The following PDE1C variants were observed in gnomAD, a reference collection of about 807,000 sequenced individuals.
PDE1C encodes the protein dual specificity calcium/calmodulin-dependent 3',5'-cyclic nucleotide phosphodiesterase 1C.
Under a neutral mutation model 93.1 loss-of-function variants are expected in PDE1C, and 62 were observed. The observed-to-expected ratio is 0.67, with a 90% CI of 0.54 to 0.82. The LOEUF is 0.82. Ranked by LOEUF, PDE1C falls within the 40% of genes least tolerant of loss-of-function variation. The pLI is 0.00. For synonymous variants in PDE1C, 325 were observed against 310.1 expected (o/e 1.05, Z -0.50); for missense variants, 742 against 884.6 (o/e 0.84, Z 2.04).
chr7:32,415,324 A>T (rs748537064), intron 1 of PDE1C, among the ~76,000 whole-genome samples: 11 of 152,008 alleles, frequency 7.2e-5, no homozygotes, highest in Non-Finnish European at 1.6e-4. Flanking sequence ...GGTGGCATGC[A>T]CCTGTAGTCC....
chr7:32,179,375 T>C (rs10263404), intron 2 of PDE1C, among the ~76,000 whole-genome samples: 106,648 of 151,396 alleles, frequency 0.7, 37,658 homozygotes, highest in South Asian at 0.89. Context: ...TTTCTCCTGC[T>C]TCAGCCTCCT....
At chr7:32,186,656 T>C (rs1362914377) in intron 2 of PDE1C, among the ~76,000 whole-genome samples, 1 of 152,166 alleles carries the variant, frequency 6.6e-6, no homozygotes, top group African/African-American at 2.4e-5. Context: ...ATGTAATTAA[T>C]TAATGTAATA....
At chr7:32,417,052 T>C (rs1192602875) in intron 1 of PDE1C, among the ~76,000 whole-genome samples, 1 of 152,126 alleles carries the variant, frequency 6.6e-6, no homozygotes, top group Non-Finnish European at 1.5e-5. Flanking sequence ...ACAATGCTTT[T>C]AAATGCTGCC....
chr7:31,797,265 C>G (rs1469558594), intron 16 of PDE1C, among the ~76,000 whole-genome samples: 5 of 151,756 alleles, frequency 3.3e-5, no homozygotes, highest in Admixed American at 6.6e-5. Context: ...ATAACCTACG[C>G]AGATGCTGGA....
intron 2 of PDE1C, among the ~76,000 whole-genome samples, chr7:32,024,717 C>T (rs563233868): frequency 6.6e-6 from 1 of 152,188 alleles, no homozygotes; most frequent in South Asian, 2.1e-4. Flanking sequence ...GTTCTGTGAG[C>T]TCTCGGAAGC....
chr7:31,988,854 G>A (rs1362505541), intron 2 of PDE1C, among the ~76,000 whole-genome samples: 2 of 152,070 alleles, frequency 1.3e-5, no homozygotes, highest in African/African-American at 4.8e-5. Flanking sequence ...AATTAGCTGG[G>A]CGTAGTGGCA....
intron 3 of PDE1C, among the ~76,000 whole-genome samples, chr7:32,157,969 T>G (rs959472165): frequency 1.3e-5 from 2 of 152,140 alleles, no homozygotes; most frequent in Admixed American, 6.6e-5. Flanking sequence ...CCAGATTGAG[T>G]GCTATCCGGG....
the PDE1C span, among the ~76,000 whole-genome samples, chr7:31,683,445 TAATA>T: frequency 6.6e-6 from 1 of 151,994 alleles, no homozygotes; most frequent in African/African-American, 2.4e-5. Context: ...AGTGAAATGA[TAATA>T]AATGACATCA....
intron 2 of PDE1C, among the ~76,000 whole-genome samples, chr7:31,907,067 T>TGG (rs974985081): frequency 2.5e-4 from 19 of 75,510 alleles, no homozygotes; most frequent in South Asian, 6.0e-4. Flanking sequence ...TCTTGATATG[T>TGG]GGGGTGTGTG....
At chr7:32,110,273 A>C (rs184326605) in intron 3 of PDE1C, among the ~76,000 whole-genome samples, 7 of 152,250 alleles carry the variant, frequency 4.6e-5, no homozygotes, top group Admixed American at 3.9e-4. Context: ...GATTGTACCC[A>C]TCCTCTCTCC....
At chr7:31,766,342 C>T (rs1795145929) in intron 17 of PDE1C, among the ~76,000 whole-genome samples, 1 of 151,056 alleles carries the variant, frequency 6.6e-6, no homozygotes, top group Admixed American at 6.6e-5. Context: ...CGAGATGGCG[C>T]CACTGCACTC....
chr7:32,147,322 A>AAGAAAG (rs1563352986), intron 3 of PDE1C, among the ~76,000 whole-genome samples: 13 of 144,128 alleles, frequency 9.0e-5, no homozygotes, highest in African/African-American at 3.7e-4. Context: ...GAAAGAAAGA[A>AAGAAAG]AGAAAGAAAG....
rs1583918780 is a variant in PDE1C at position 31,751,423 on chromosome 7, T to C, written c.*1961A>G. ...GCACAGCCAAGAAAACACAGCCTCA[T>C]TAAATTCTCAATACCTAAGATGGAA... is the stretch of plus-strand genomic sequence containing the variant. On this transcript the variant is annotated 3_prime_UTR_variant, in exon 18 of 18. Coordinates refer to ENST00000396191, the MANE Select transcript of PDE1C (RefSeq NM_001191057.4). 1 of 152,184 alleles carries C rather than the reference T, an allele frequency of 6.6e-6. No homozygotes were observed. Among genetic ancestry groups the C allele is most frequent in the East Asian group, 1.9e-4 (1 of 5,186 alleles). The allele number at this position is 152,184 out of a possible 1,614,324, so 9.4% of individuals were successfully genotyped here. A position where few individuals can be genotyped will look rare whatever the true frequency, so the allele number is the denominator to read the frequency against.
Position 31,837,972 on chromosome 7 carries a change from CT to C in PDE1C, c.981-2del. On this transcript the variant is annotated splice_acceptor_variant, in intron 9 of 17. Transcript: ENST00000396191. LOFTEE classifies it high-confidence loss of function. Reference sequence around the variant, plus strand: ...TTCAATTACCAAGGTTCGAAACTCCCTTTTAGAGACAACCATGGAGAAAAAA... The same window carrying C: ...TTCAATTACCAAGGTTCGAAACTCCCTTTAGAGACAACCATGGAGAAAAAA... 1 of 1,592,500 alleles carries C rather than the reference CT, an allele frequency of 6.3e-7. No homozygotes were observed. Among genetic ancestry groups the C allele is most frequent in the Non-Finnish European group, 8.6e-7 (1 of 1,160,786 alleles).
chr7:31,656,716 T>C, the PDE1C span, among the ~76,000 whole-genome samples: 1 of 152,292 alleles, frequency 6.6e-6, no homozygotes, highest in East Asian at 1.9e-4. Context: ...GTGGACGGTT[T>C]TGACAGTCAG....
rs1342324523 is a variant in PDE1C at position 32,054,306 on chromosome 7, C to G, written c.102-2726G>C. Among the ~76,000 whole-genome samples the G allele has an allele frequency of 2.6e-5, 4 of 152,176 alleles. No homozygotes were observed. In the East Asian group the frequency reaches 5.8e-4, roughly 22 times the overall value. On this transcript the variant is annotated intron_variant, in intron 1 of 17. Coordinates refer to ENST00000396191, the MANE Select transcript of PDE1C (RefSeq NM_001191057.4). ...ATAGACCTGGCTCAAAACCTAACTT[C>G]ACCCACACTAGCTATGAGACCTCAG...
chr7:32,396,699 A>C (rs1391832117), intron 1 of PDE1C, among the ~76,000 whole-genome samples: 3 of 152,220 alleles, frequency 2.0e-5, no homozygotes, highest in Non-Finnish European at 2.9e-5. Context: ...AATTCTTTCA[A>C]CTTTGTGTAT....
At chr7:31,847,139 T>G (rs2128793078) in intron 9 of PDE1C, among the ~76,000 whole-genome samples, 1 of 152,302 alleles carries the variant, frequency 6.6e-6, no homozygotes, top group African/African-American at 2.4e-5. Flanking sequence ...GATGATTTAT[T>G]GGCTTGCTAT....
chr7:32,035,790 G>A (rs150877481), intron 2 of PDE1C, among the ~76,000 whole-genome samples: 1 of 152,272 alleles, frequency 6.6e-6, no homozygotes, highest in Non-Finnish European at 1.5e-5. Context: ...CTGTCCAAGT[G>A]TATAGAGTCT....
Sources: allele counts gnomAD v4.1 joint callset (sites outside exome capture counted in the v4.1 genomes callset), GRCh38; gene constraint gnomAD v4.1.1; transcripts MANE v1.5; gene names NCBI Gene and HGNC (gene_info 2026-07-23, HGNC 2026-07-21).